Variants in CNGA3 observed in about 807,000 individuals in gnomAD.
CNGA3 encodes the protein cyclic nucleotide-gated channel alpha-3.
In CNGA3, 42 loss-of-function variants were observed where a neutral mutation model predicts 46.6. That is an observed-to-expected ratio of 0.90 (90% confidence interval 0.70 to 1.17). The LOEUF (loss-of-function observed/expected upper bound fraction) is 1.17, where lower values mean the gene tolerates loss of function less well. Among genes scored for constraint, CNGA3 ranks in the 50% most tolerant of loss-of-function variants. The probability of loss-of-function intolerance (pLI) is 0.00; values close to 1 mark genes in which losing one functional copy is unlikely to be tolerated. For missense variants in CNGA3, 893 were observed against 890.7 expected (o/e 1.00, Z -0.03); for synonymous variants, 394 against 369.4 (o/e 1.07, Z -0.76).
chr2:98,392,867 A>G (rs892575569), intron 7 of CNGA3, among the ~76,000 whole-genome samples: 4 of 152,216 alleles, frequency 2.6e-5, no homozygotes, highest in Non-Finnish European at 4.4e-5. Flanking sequence ...TCACCCCTTC[A>G]CATTTCTTAG....
At chr2:98,349,121 AT>A (rs886844946) in intron 1 of CNGA3, among the ~76,000 whole-genome samples, 3 of 152,126 alleles carry the variant, frequency 2.0e-5, no homozygotes, top group Non-Finnish European at 4.4e-5. Flanking sequence ...GCAATGTCTG[AT>A]TTTTTGGGGA....
intron 1 of CNGA3, among the ~76,000 whole-genome samples, chr2:98,351,875 C>T (rs1691777253): frequency 6.6e-6 from 1 of 152,172 alleles, no homozygotes; most frequent in Non-Finnish European, 1.5e-5. Context: ...TTTCATGCCA[C>T]AAATGTCACC....
At chr2:98,394,611 A>T (rs571738972) in intron 7 of CNGA3, among the ~76,000 whole-genome samples, 2 of 152,178 alleles carry the variant, frequency 1.3e-5, no homozygotes, top group East Asian at 3.9e-4. Flanking sequence ...TTCTTGTTTC[A>T]TCCGCCCTTT....
chr2:98,347,442 C>T (rs1691659738), intron 1 of CNGA3, among the ~76,000 whole-genome samples: 2 of 152,208 alleles, frequency 1.3e-5, no homozygotes, highest in Admixed American at 1.3e-4. Context: ...CCCTCGCAGT[C>T]CCGCAACCCC....
intron 7 of CNGA3, among the ~76,000 whole-genome samples, chr2:98,394,859 AC>A (rs1692870474): frequency 6.6e-6 from 1 of 152,224 alleles, no homozygotes; most frequent in Non-Finnish European, 1.5e-5. Context: ...ACTTTATCTT[AC>A]GTAAAATGTA....
chr2:98,391,412 G>C (rs942020154), intron 6 of CNGA3, among the ~76,000 whole-genome samples: 1 of 152,204 alleles, frequency 6.6e-6, no homozygotes, highest in Non-Finnish European at 1.5e-5. Flanking sequence ...AGAGCTGGGG[G>C]TGCTGCCTGT....
chr2:98,393,615 C>A (rs1431336269), intron 7 of CNGA3, among the ~76,000 whole-genome samples: 1 of 152,174 alleles, frequency 6.6e-6, no homozygotes, highest in Non-Finnish European at 1.5e-5. Flanking sequence ...TTAAACTCCA[C>A]AGACACACGA....
chr2:98,372,595 T>TG (rs1692312771), intron 2 of CNGA3, among the ~76,000 whole-genome samples: 1 of 152,200 alleles, frequency 6.6e-6, no homozygotes, highest in South Asian at 2.1e-4. Context: ...GCAACTGACC[T>TG]GCTATGAAAA....
chr2:98,390,751 T>C (rs547176475), intron 6 of CNGA3, among the ~76,000 whole-genome samples: 1 of 151,992 alleles, frequency 6.6e-6, no homozygotes, highest in East Asian at 1.9e-4. Flanking sequence ...TAGGTAAGCA[T>C]GGGGTTTGGG....
At chr2:98,346,999 CG>C (rs1347136490) in intron 1 of CNGA3, 1 of 151,976 alleles carries the variant, frequency 6.6e-6, no homozygotes, top group African/African-American at 2.4e-5. Flanking sequence ...ACCGCCAGTC[CG>C]GGAAGGACCC....
intron 7 of CNGA3, among the ~76,000 whole-genome samples, chr2:98,394,105 C>G (rs931283429): frequency 6.6e-6 from 1 of 152,022 alleles, no homozygotes; most frequent in Non-Finnish European, 1.5e-5. Flanking sequence ...TGCAGGCTGG[C>G]ACTCTGTGTT....
chr2:98,398,160 G>T lies in CNGA3; in HGVS notation c.*905G>T, dbSNP rs935384525. The T allele has an allele frequency of 6.6e-6, 1 of 152,112 alleles. No homozygotes were observed. The highest frequency in any genetic ancestry group is 2.4e-5 in the African/African-American group (1 of 41,410). 9.4% of individuals were successfully genotyped at this position (152,112 alleles called of 1,614,324 possible). On this transcript the variant is annotated 3_prime_UTR_variant, in exon 8 of 8. Transcript: ENST00000272602. Reference sequence around the variant, plus strand: ...TTTAGAAGATTAGACCATTAGGAACGTATCTTTGCAAACTGCCCATTCACC... The same window carrying T: ...TTTAGAAGATTAGACCATTAGGAACTTATCTTTGCAAACTGCCCATTCACC...
In CNGA3 at chr2:98,389,521, C is replaced by T. The variant is rs1351401931; in HGVS notation, c.450-137C>T. On this transcript the variant is annotated intron_variant, in intron 5 of 7. Transcript: ENST00000272602. The stretch of plus-strand genomic sequence containing the variant: ...CCCTACAGGGACTCCCCATGTGACT[C>T]CCTTGAGACTAAGAGGACCCTGTTG... The T allele has an allele frequency of 6.4e-6, 5 of 783,876 alleles. No individual in the cohort carries two copies. In the African/African-American group the frequency reaches 8.5e-5, roughly 13 times the overall value. 48.6% of individuals were successfully genotyped at this position (783,876 alleles called of 1,614,324 possible).
chr2:98,346,956 C>G (rs1016779272), intron 1 of CNGA3: 19 of 152,272 alleles, frequency 1.2e-4, no homozygotes, highest in African/African-American at 4.3e-4. Flanking sequence ...GCGACCCCAC[C>G]CCATACATTT....
intron 2 of CNGA3, chr2:98,377,183 C>T (rs1344023156): frequency 5.9e-6 from 1 of 169,778 alleles, no homozygotes; most frequent in Non-Finnish European, 1.3e-5. Flanking sequence ...GGAAGCCTGC[C>T]AGACAAGCCC....
At chr2:98,360,062 G>A (rs1691992047) in intron 1 of CNGA3, among the ~76,000 whole-genome samples, 1 of 152,224 alleles carries the variant, frequency 6.6e-6, no homozygotes, top group Non-Finnish European at 1.5e-5. Flanking sequence ...AGGCCTAAAG[G>A]CAATACCAGT....
chr2:98,370,602 T>C (rs941533602), intron 2 of CNGA3, among the ~76,000 whole-genome samples: 1 of 152,158 alleles, frequency 6.6e-6, no homozygotes, highest in Non-Finnish European at 1.5e-5. Flanking sequence ...ACCCCATCAA[T>C]GACATCCTGA....
At chr2:98,360,384 G>A (rs1410036108) in intron 1 of CNGA3, among the ~76,000 whole-genome samples, 1 of 152,164 alleles carries the variant, frequency 6.6e-6, no homozygotes, top group African/African-American at 2.4e-5. Context: ...TGAAGGAAGG[G>A]GCACAGGCTG....
chr2:98,369,059 C>G (rs1157601209), intron 1 of CNGA3, among the ~76,000 whole-genome samples: 1 of 152,252 alleles, frequency 6.6e-6, no homozygotes, highest in East Asian at 1.9e-4. Flanking sequence ...CAGCCCCTCT[C>G]ATTCTAACTT....
Sources: gnomAD v4.1 joint callset for allele counts (sites outside exome capture counted in the v4.1 genomes callset) on GRCh38, gnomAD v4.1.1 for gene constraint, MANE v1.5 for transcripts, NCBI Gene and HGNC (gene_info 2026-07-23, HGNC 2026-07-21) for gene names.